MAGI1: variants seen among roughly 807,000 people sequenced by gnomAD.
The protein encoded by MAGI1 is membrane associated guanylate kinase, WW and PDZ domain containing 1.
In MAGI1, 58 loss-of-function variants were observed where a neutral mutation model predicts 139.9. That is an observed-to-expected ratio of 0.41 (90% CI 0.34 to 0.52). MAGI1 has a LOEUF of 0.52. MAGI1 is among the 20% of genes least tolerant of loss of function. MAGI1 has a pLI of 0.12. For synonymous variants in MAGI1, 812 were observed against 737.9 expected, an observed-to-expected ratio of 1.10 and a Z score of -1.63; for missense variants, 1,874 against 1,901.6, an observed-to-expected ratio of 0.99 and a Z score of 0.27.
chr3:65,456,639 T>G (rs1949408554), intron 5 of MAGI1, among the ~76,000 whole-genome samples: 1 of 152,274 alleles, frequency 6.6e-6, no homozygotes, highest in East Asian at 1.9e-4. Flanking sequence ...CCTAAAAGTT[T>G]TATTGTTTTA....
intron 1 of MAGI1, among the ~76,000 whole-genome samples, chr3:65,977,512 A>G (rs2065325455): frequency 6.6e-6 from 1 of 152,152 alleles, no homozygotes; most frequent in African/African-American, 2.4e-5. Context: ...CAAGTTCACC[A>G]CCAACCCGGC....
chr3:65,763,537 A>AAAAC (rs2037210507), intron 1 of MAGI1, among the ~76,000 whole-genome samples: 2 of 152,154 alleles, frequency 1.3e-5, no homozygotes, highest in Non-Finnish European at 2.9e-5. Flanking sequence ...ATAGTAACTC[A>AAAAC]TTTAATCCTC....
intron 1 of MAGI1, among the ~76,000 whole-genome samples, chr3:65,729,313 T>C (rs1373049143): frequency 2.0e-5 from 3 of 152,328 alleles, no homozygotes; most frequent in Non-Finnish European, 1.5e-5. Flanking sequence ...CTATATTCAT[T>C]TAAAAATATT....
At chr3:65,629,406 C>T (rs75346051) in intron 1 of MAGI1, among the ~76,000 whole-genome samples, 7,102 of 152,204 alleles carry the variant, frequency 0.047, 298 homozygotes, top group African/African-American at 0.11. Flanking sequence ...ATTTTCAATG[C>T]TAAGGAGAAC....
At chr3:65,480,360 C>T (rs1951194316) in intron 3 of MAGI1, among the ~76,000 whole-genome samples, 1 of 151,828 alleles carries the variant, frequency 6.6e-6, no homozygotes, top group African/African-American at 2.4e-5. Flanking sequence ...TGGTAAAATC[C>T]TGTCTCTAAA....
intron 1 of MAGI1, among the ~76,000 whole-genome samples, chr3:65,749,322 G>A (rs2035953548): frequency 6.6e-6 from 1 of 152,176 alleles, no homozygotes; most frequent in African/African-American, 2.4e-5. Flanking sequence ...TGAAGGTGAT[G>A]TGATTCTATG....
intron 1 of MAGI1, among the ~76,000 whole-genome samples, chr3:65,987,405 A>G (rs963301002): frequency 6.6e-6 from 1 of 152,224 alleles, no homozygotes; most frequent in African/African-American, 2.4e-5. Context: ...TTGTAAGTCA[A>G]CGAACACAGT....
At chr3:66,000,177 C>T (rs534213966) in intron 1 of MAGI1, among the ~76,000 whole-genome samples, 213 of 152,014 alleles carry the variant, frequency 1.4e-3, no homozygotes, top group Non-Finnish European at 2.7e-3. Flanking sequence ...AGGGTTTCAC[C>T]GTGTTAGCCA....
Position 66,038,288 on chromosome 3 carries a change from C to A in MAGI1, c.21G>T (p.Lys7Asn), listed in dbSNP as rs752272115. The change falls in exon 1 of 23, where the codon AAG (lysine) becomes AAT (asparagine). Residue 7 changes from lysine to asparagine, a missense_variant. Lys to Asn is a moderately conservative substitution (Grantham distance 94). Coordinates refer to ENST00000402939, the MANE Select transcript of MAGI1 (RefSeq NM_001033057.2). MSKVIQ[K>N]KNHWTSRVHE... Reference sequence around the variant, plus strand: ...GAACCCTGCTAGTCCAGTGGTTCTTCTTCTGGATCACTTTGGACATGATGA... The same window carrying A: ...GAACCCTGCTAGTCCAGTGGTTCTTATTCTGGATCACTTTGGACATGATGA... 1 of 1,593,366 alleles carries A rather than the reference C, an allele frequency of 6.3e-7. No homozygotes were observed. Among genetic ancestry groups the A allele is most frequent in the Non-Finnish European group, 8.6e-7 (1 of 1,168,934 alleles).
At chr3:65,774,167 T>C (rs1020537673) in intron 1 of MAGI1, among the ~76,000 whole-genome samples, 1 of 152,124 alleles carries the variant, frequency 6.6e-6, no homozygotes, top group African/African-American at 2.4e-5. Context: ...GGTGAAACTT[T>C]TCCTGGTTAT....
At chr3:65,881,765 T>A (rs1482397690) in intron 1 of MAGI1, among the ~76,000 whole-genome samples, 2 of 152,222 alleles carry the variant, frequency 1.3e-5, no homozygotes, top group Non-Finnish European at 2.9e-5. Context: ...GGGAGGGGGA[T>A]TCAGCTCCTA....
chr3:65,737,831 A>G (rs929695946), intron 1 of MAGI1, among the ~76,000 whole-genome samples: 3 of 152,144 alleles, frequency 2.0e-5, no homozygotes, highest in Admixed American at 6.5e-5. Flanking sequence ...TGAAGATGGA[A>G]GCCTGAAGTT....
At chr3:65,601,663 C>T (rs984976236) in intron 2 of MAGI1, among the ~76,000 whole-genome samples, 29 of 152,130 alleles carry the variant, frequency 1.9e-4, no homozygotes, top group South Asian at 1.7e-3. Context: ...AATTATAAAA[C>T]TCTTTTAAGA....
rs369284216 is a variant in MAGI1, at chr3:65,356,998, C to T, written c.3769G>A (p.Gly1257Arg). 1 of 1,614,062 alleles carries T rather than the reference C, an allele frequency of 6.2e-7. No homozygotes were observed. The highest frequency in any genetic ancestry group is 8.5e-7 in the Non-Finnish European group (1 of 1,180,032). ...TCCCTTGCGTGTGCCCGCTTTTCCCCATGTGGTGATGATTTGTGAAGATCG... is the reference window on the plus strand; with the variant it reads ...TCCCTTGCGTGTGCCCGCTTTTCCCTATGTGGTGATGATTTGTGAAGATCG... ...PPDLHKSSPH[G>R]EKRAHARDPK... Residue 1257 changes from glycine to arginine, a missense_variant, in exon 23 of 23, where the codon GGG (glycine) becomes AGG (arginine). Physicochemically the swap from Gly to Arg is moderately radical, Grantham distance 125. This residue lies in a region of MAGI1 where 653 missense variants were observed against 644.5 expected (regional missense o/e 1.01). Coordinates refer to ENST00000402939, the MANE Select transcript of MAGI1 (RefSeq NM_001033057.2).
intron 1 of MAGI1, among the ~76,000 whole-genome samples, chr3:65,816,373 G>A (rs761581072): frequency 6.6e-6 from 1 of 152,130 alleles, no homozygotes; most frequent in Non-Finnish European, 1.5e-5. Context: ...TGTGACTAAG[G>A]AGATGAATTT....
intron 1 of MAGI1, among the ~76,000 whole-genome samples, chr3:65,729,705 A>G (rs1010234584): frequency 6.6e-6 from 1 of 152,110 alleles, no homozygotes; most frequent in African/African-American, 2.4e-5. Context: ...AGTGAACTCT[A>G]CTTCCTGACC....
chr3:65,604,457 C>T (rs1166966511), intron 2 of MAGI1, among the ~76,000 whole-genome samples: 1 of 152,006 alleles, frequency 6.6e-6, no homozygotes, highest in Non-Finnish European at 1.5e-5. Flanking sequence ...GGCCAAGGGC[C>T]TAAAAATAAT....
At chr3:65,810,438 A>T (rs1193741917) in intron 1 of MAGI1, among the ~76,000 whole-genome samples, 1 of 152,248 alleles carries the variant, frequency 6.6e-6, no homozygotes. Flanking sequence ...CTGTTAAATG[A>T]AACATGAGTA....
chr3:65,498,278 T>TAAAAAAAAAGA (rs1952592519), intron 2 of MAGI1, among the ~76,000 whole-genome samples: 1 of 116,072 alleles, frequency 8.6e-6, no homozygotes, highest in Non-Finnish European at 1.9e-5. Flanking sequence ...CGTACTAATA[T>TAAAAAAAAAGA]AAAAAAAAAG....
Sources: allele counts gnomAD v4.1 joint callset (sites outside exome capture counted in the v4.1 genomes callset), GRCh38; gene constraint gnomAD v4.1.1; regional missense constraint gnomAD v4.1.1; transcripts MANE v1.5; gene names NCBI Gene and HGNC (gene_info 2026-07-23, HGNC 2026-07-21).